Variants in PKNOX2 observed in about 807,000 individuals in gnomAD.
PKNOX2 encodes homeobox protein PKNOX2.
A neutral mutation model predicts 53.1 loss-of-function variants in PKNOX2; 14 were observed. The ratio of observed to expected loss-of-function variants is 0.26; its 90% CI spans 0.17 to 0.41. PKNOX2 has a LOEUF of 0.41. PKNOX2 is among the 10% of genes least tolerant of loss of function. PKNOX2 has a pLI of 1.00. For synonymous variants in PKNOX2, 257 were observed against 242.8 expected (o/e 1.06, Z -0.54); for missense variants, 496 against 602.8 (o/e 0.82, Z 1.85).
chr11:125,428,913 T>C, intron 10 of PKNOX2, 99 bp from the exon 11 acceptor site: 1 of 1,304,670 alleles, frequency 7.7e-7, no homozygotes. Flanking sequence ...CCACTCGGGC[T>C]GCCTGGCTCA....
At chr11:125,428,827 G>C (rs1029403034) in intron 10 of PKNOX2, among the ~76,000 whole-genome samples, 185 bp from the exon 11 acceptor site, 1 of 152,176 alleles carries the variant, frequency 6.6e-6, no homozygotes, top group Non-Finnish European at 1.5e-5. Flanking sequence ...TCGGGCATGG[G>C]GCAACCTTCC....
At chr11:125,179,098 C>A (rs1956000542) in intron 1 of PKNOX2, among the ~76,000 whole-genome samples, 2 of 152,152 alleles carry the variant, frequency 1.3e-5, no homozygotes, top group African/African-American at 4.8e-5. Flanking sequence ...CGTGTGTCCC[C>A]TGGGCTCAAT....
chr11:125,379,055 C>CTTTTTTTTTTTTTTT (rs35310311), intron 5 of PKNOX2, among the ~76,000 whole-genome samples: 9 of 124,442 alleles, frequency 7.2e-5, no homozygotes, highest in Admixed American at 8.3e-5. Context: ...TTTTCTTTCT[C>CTTTTTTTTTTTTTTT]TTTTTTTTTT....
At position 125,166,527 on chromosome 11, in the gene PKNOX2, C is replaced by T. The variant is rs527261433; in HGVS notation, c.-201+1751C>T. Among the ~76,000 whole-genome samples the T allele has an allele frequency of 1.5e-3, 221 of 152,244 alleles. 2 individuals carry two copies. The highest frequency in any genetic ancestry group is 8.7e-3 in the South Asian group (42 of 4,822). The stretch of plus-strand genomic sequence containing the variant: ...GGATCTGAGGTCCCGACCCAGGCGG[C>T]TCGGAGTGCTCCAGGAGCCACCTGG... On this transcript the variant is annotated intron_variant, in intron 1 of 12. Coordinates refer to ENST00000298282, the MANE Select transcript of PKNOX2 (RefSeq NM_001382323.2). This position sits in a 1 kb window ranked among gnomAD's most constrained non-coding sequence, Gnocchi z 4.0.
intron 1 of PKNOX2, among the ~76,000 whole-genome samples, chr11:125,197,423 C>T (rs1244436773): frequency 6.6e-6 from 1 of 152,186 alleles, no homozygotes; most frequent in African/African-American, 2.4e-5. Flanking sequence ...TCAGGCCACC[C>T]CTACCCTGAG....
chr11:125,221,664 A>T (rs376197497), intron 1 of PKNOX2, among the ~76,000 whole-genome samples: 1 of 152,184 alleles, frequency 6.6e-6, no homozygotes, highest in Non-Finnish European at 1.5e-5. Context: ...GGCTGCATAT[A>T]TTTATTATGC....
Position 125,409,140 on chromosome 11 carries a change from T to A in PKNOX2, c.589-1056T>A, listed in dbSNP as rs190334687. Among the ~76,000 whole-genome samples the A allele has an allele frequency of 1.5e-4, 23 of 152,286 alleles. No homozygotes were observed. In the East Asian group the frequency reaches 4.3e-3, roughly 28 times the overall value. On this transcript the variant is annotated intron_variant, in intron 7 of 12. Transcript: ENST00000298282. ...CTCCCACACTTCACTCGCTGCCTTTTTTCTTCTCCGAACCTAGAGACCCTA... is the reference window on the plus strand; with the variant it reads ...CTCCCACACTTCACTCGCTGCCTTTATTCTTCTCCGAACCTAGAGACCCTA...
chr11:125,214,621 G>C (rs1221813924), intron 1 of PKNOX2, among the ~76,000 whole-genome samples: 1 of 152,052 alleles, frequency 6.6e-6, no homozygotes, highest in Non-Finnish European at 1.5e-5. Flanking sequence ...AGCCTCTGAG[G>C]TCTGCGTCCT....
chr11:125,172,973 A>G (rs1718784897), intron 1 of PKNOX2, among the ~76,000 whole-genome samples: 1 of 152,110 alleles, frequency 6.6e-6, no homozygotes, highest in South Asian at 2.1e-4. Flanking sequence ...AGCAGCATTT[A>G]CTTTTCTTGT....
intron 1 of PKNOX2, among the ~76,000 whole-genome samples, chr11:125,229,975 T>TA (rs1401582896): frequency 1.3e-5 from 2 of 152,172 alleles, no homozygotes; most frequent in African/African-American, 2.4e-5. Flanking sequence ...GGATAAATAT[T>TA]AAGGTTAACC....
intron 4 of PKNOX2, among the ~76,000 whole-genome samples, chr11:125,353,517 C>G (rs887969549): frequency 6.6e-6 from 1 of 152,194 alleles, no homozygotes; most frequent in East Asian, 1.9e-4. Flanking sequence ...CTCAGCCCCC[C>G]AGAAGTCACC....
chr11:125,289,555 GCAAA>G (rs1305580422), intron 2 of PKNOX2, among the ~76,000 whole-genome samples: 1 of 152,154 alleles, frequency 6.6e-6, no homozygotes, highest in Non-Finnish European at 1.5e-5. Flanking sequence ...TTTTGGGTGA[GCAAA>G]CAGAGACTTC....
At chr11:125,178,709 A>AG (rs879925261) in intron 1 of PKNOX2, among the ~76,000 whole-genome samples, 4,163 of 127,954 alleles carry the variant, frequency 0.033, 144 homozygotes, top group Middle Eastern at 0.042. Flanking sequence ...AAAGAAAGAA[A>AG]GAAAGAAAGA....
rs1210255510 is a variant in PKNOX2 at position 125,207,671 on chromosome 11, A to C, written c.-200-27374A>C. 2.6e-5 allele frequency among the ~76,000 whole-genome samples: 4 copies of C among 152,098 alleles called. 1 individual carries two copies. Among genetic ancestry groups the C allele is most frequent in the African/African-American group, 2.4e-5 (1 of 41,450 alleles). On this transcript the variant is annotated intron_variant, in intron 1 of 12. Transcript: ENST00000298282. ...AGAGAGTATTCCTTCGCTTGTCGGC[A>C]TGAAAGCTACTGGCACCTGGGGAGA...
chr11:125,323,720 C>T (rs893412005), intron 2 of PKNOX2, among the ~76,000 whole-genome samples: 10 of 152,244 alleles, frequency 6.6e-5, no homozygotes, highest in Non-Finnish European at 5.9e-5. Context: ...GAGAGGCTTC[C>T]GACTGTTTTG....
Position 125,373,363 on chromosome 11 carries a change from G to A in PKNOX2, c.227+5378G>A, listed in dbSNP as rs143238733. On this transcript the variant is annotated intron_variant, in intron 5 of 12. Coordinates refer to ENST00000298282, the MANE Select transcript of PKNOX2 (RefSeq NM_001382323.2). ...TCAGGATGTGAAGTCTGGTACATTC[G>A]GGGGGACAGGATCGGGGTCACGAGC... Among the ~76,000 whole-genome samples the A allele has an allele frequency of 6.6e-5, 10 of 152,286 alleles. No individual in the cohort carries two copies. The East Asian group carries it at 1.7e-3, about 26-fold the overall frequency.
intron 3 of PKNOX2, among the ~76,000 whole-genome samples, chr11:125,336,282 C>A (rs1196111011): frequency 2.6e-5 from 4 of 152,080 alleles, no homozygotes; most frequent in African/African-American, 9.7e-5. Flanking sequence ...CAGCTTCTGG[C>A]CTTAGTTATT....
chr11:125,219,176 G>A (rs1184282194), intron 1 of PKNOX2, among the ~76,000 whole-genome samples: 1 of 152,158 alleles, frequency 6.6e-6, no homozygotes, highest in Non-Finnish European at 1.5e-5. Flanking sequence ...GCTCTCACCT[G>A]TAATCCCAGC....
chr11:125,242,975 A>C (rs1247498661), intron 2 of PKNOX2, among the ~76,000 whole-genome samples: 1 of 152,230 alleles, frequency 6.6e-6, no homozygotes, highest in Non-Finnish European at 1.5e-5. Flanking sequence ...TTATTTACTT[A>C]GCTGGGAACT....
Sources: allele counts gnomAD v4.1 joint callset (sites outside exome capture counted in the v4.1 genomes callset), GRCh38; gene constraint gnomAD v4.1.1; non-coding constraint Gnocchi (gnomAD v3.1); transcripts MANE v1.5; gene names NCBI Gene and HGNC (gene_info 2026-07-23, HGNC 2026-07-21).